CNTNAP2: variants seen among roughly 807,000 people sequenced by gnomAD.
CNTNAP2 encodes the protein contactin-associated protein-like 2.
CNTNAP2 carries 98 observed loss-of-function variants against 155.2 expected under a neutral mutation model. That is an observed-to-expected ratio of 0.63 (90% CI 0.54 to 0.75). The LOEUF (loss-of-function observed/expected upper bound fraction) is 0.75. CNTNAP2 is among the 30% of genes least tolerant of loss of function. The pLI is 0.00. For missense variants in CNTNAP2, 1,727 were observed against 1,688.1 expected, an observed-to-expected ratio of 1.02 and a Z score of -0.40; for synonymous variants, 651 against 631.2, an observed-to-expected ratio of 1.03 and a Z score of -0.47.
intron 5 of CNTNAP2, among the ~76,000 whole-genome samples, chr7:147,113,122 G>C (rs937963306): frequency 6.6e-6 from 1 of 151,932 alleles, no homozygotes; most frequent in African/African-American, 2.4e-5. Context: ...TTGGGAGGGT[G>C]CATGTGTCCA....
At chr7:148,052,118 G>A (rs1355509425) in intron 15 of CNTNAP2, among the ~76,000 whole-genome samples, 2 of 135,070 alleles carry the variant, frequency 1.5e-5, no homozygotes, top group Admixed American at 8.7e-5. Flanking sequence ...CAGCCTGGGC[G>A]ACAGACAGAG....
At chr7:147,746,780 C>T (rs1797050722) in intron 13 of CNTNAP2, among the ~76,000 whole-genome samples, 1 of 152,178 alleles carries the variant, frequency 6.6e-6, no homozygotes, top group African/African-American at 2.4e-5. Flanking sequence ...GTTCTACAAA[C>T]TGCTTATAGA....
intron 21 of CNTNAP2, among the ~76,000 whole-genome samples, chr7:148,280,712 A>G (rs1383351791): frequency 6.6e-6 from 1 of 152,146 alleles, no homozygotes; most frequent in Non-Finnish European, 1.5e-5. Flanking sequence ...TCAGGTCAGG[A>G]GTTTCAGACC....
chr7:146,432,289 A>T (rs1350729152), intron 1 of CNTNAP2, among the ~76,000 whole-genome samples: 1 of 152,140 alleles, frequency 6.6e-6, no homozygotes, highest in Non-Finnish European at 1.5e-5. Context: ...TCAATAGAAC[A>T]TCTTGCTATG....
chr7:146,891,380 G>T (rs1250575866), intron 3 of CNTNAP2, among the ~76,000 whole-genome samples: 2 of 152,020 alleles, frequency 1.3e-5, no homozygotes, highest in South Asian at 4.2e-4. Flanking sequence ...ACATCTGCAC[G>T]TATACCCCCG....
chr7:147,307,197 C>T (rs1463730744), intron 9 of CNTNAP2, among the ~76,000 whole-genome samples: 2 of 152,162 alleles, frequency 1.3e-5, no homozygotes, highest in African/African-American at 4.8e-5. Context: ...CATCGATATA[C>T]ATTAAATCCC....
chr7:147,954,453 A>G (rs1306854649), intron 14 of CNTNAP2, among the ~76,000 whole-genome samples: 3 of 152,002 alleles, frequency 2.0e-5, no homozygotes, highest in Admixed American at 6.6e-5. Context: ...GAAGACAGCA[A>G]GCAGAAGAGA....
intron 2 of CNTNAP2, among the ~76,000 whole-genome samples, chr7:146,839,194 C>T (rs1251126722): frequency 1.3e-5 from 2 of 151,912 alleles, no homozygotes; most frequent in African/African-American, 2.4e-5. Flanking sequence ...CTGTACCTCT[C>T]AGTGGTACAG....
At chr7:147,854,228 G>A (rs187747227) in intron 13 of CNTNAP2, among the ~76,000 whole-genome samples, 166 of 152,264 alleles carry the variant, frequency 1.1e-3, no homozygotes, top group African/African-American at 3.8e-3. Context: ...ATTTCACCTT[G>A]AAGAATAACA....
chr7:147,268,158 A>G (rs933704185), intron 8 of CNTNAP2, among the ~76,000 whole-genome samples: 1 of 152,222 alleles, frequency 6.6e-6, no homozygotes, highest in African/African-American at 2.4e-5. Context: ...CTATGAGATT[A>G]GAATGAATCT....
intron 5 of CNTNAP2, among the ~76,000 whole-genome samples, chr7:147,109,461 A>G (rs1387778631): frequency 6.6e-6 from 1 of 152,176 alleles, no homozygotes; most frequent in African/African-American, 2.4e-5. Flanking sequence ...GCTGCTTATG[A>G]AACATCTAAG....
intron 8 of CNTNAP2, among the ~76,000 whole-genome samples, chr7:147,281,291 C>G (rs1805027874): frequency 6.6e-6 from 1 of 151,888 alleles, no homozygotes; most frequent in South Asian, 2.1e-4. Flanking sequence ...TCATAGATAT[C>G]TCCCTTGAAA....
intron 1 of CNTNAP2, among the ~76,000 whole-genome samples, chr7:146,507,244 A>G (rs908526019): frequency 1.3e-5 from 2 of 152,200 alleles, no homozygotes; most frequent in African/African-American, 4.8e-5. Context: ...ATCCATGAAT[A>G]GCAGAGCTCA....
intron 13 of CNTNAP2, among the ~76,000 whole-genome samples, chr7:147,852,338 G>C (rs1430104717): frequency 6.6e-6 from 1 of 152,076 alleles, no homozygotes; most frequent in Non-Finnish European, 1.5e-5. Context: ...TGAATGAAAA[G>C]TTTTCTGTAT....
intron 8 of CNTNAP2, among the ~76,000 whole-genome samples, chr7:147,284,795 T>C (rs535246186): frequency 1.1e-4 from 17 of 152,010 alleles, no homozygotes; most frequent in African/African-American, 4.1e-4. Context: ...TATTGTTGAA[T>C]TGAAGATTTC....
chr7:148,192,530 CAA>C (rs199930400), intron 18 of CNTNAP2, among the ~76,000 whole-genome samples: 2 of 135,854 alleles, frequency 1.5e-5, no homozygotes. Context: ...AATGGATGAC[CAA>C]AAAAAAAAAC....
intron 10 of CNTNAP2, among the ~76,000 whole-genome samples, chr7:147,443,680 C>T (rs1797681992): frequency 1.3e-5 from 2 of 152,122 alleles, no homozygotes; most frequent in Admixed American, 1.3e-4. Flanking sequence ...CAGCATATGG[C>T]AACATTTTAA....
chr7:146,906,602 G>A (rs1202843474), intron 3 of CNTNAP2, among the ~76,000 whole-genome samples: 1 of 152,028 alleles, frequency 6.6e-6, no homozygotes. Flanking sequence ...CTGTCTGTTA[G>A]AAGGAAAACT....
At chr7:147,027,038 A>C (rs1798937362) in intron 3 of CNTNAP2, among the ~76,000 whole-genome samples, 1 of 150,292 alleles carries the variant, frequency 6.7e-6, no homozygotes, top group African/African-American at 2.4e-5. Context: ...AAAAAAAAAA[A>C]CTTGCTTTGG....
Sources: allele counts gnomAD v4.1 joint callset (sites outside exome capture counted in the v4.1 genomes callset), GRCh38; gene constraint gnomAD v4.1.1; transcripts MANE v1.5; gene names NCBI Gene and HGNC (gene_info 2026-07-23, HGNC 2026-07-21).